PKHD1L1: variants seen among roughly 807,000 people sequenced by gnomAD.
PKHD1L1 encodes fibrocystin-L.
Under a neutral mutation model 462.9 loss-of-function variants are expected in PKHD1L1, and 434 were observed. That is an observed-to-expected ratio of 0.94 (90% CI 0.87 to 1.02). The LOEUF (loss-of-function observed/expected upper bound fraction) is 1.02, where lower values mean the gene tolerates loss of function less well. PKHD1L1 is among the 50% of genes least tolerant of loss of function. The pLI, the probability that PKHD1L1 is intolerant of heterozygous loss-of-function variation, is 0.00. For missense variants in PKHD1L1, 5,202 were observed against 5,096.1 expected (o/e 1.02, Z -0.63); for synonymous variants, 1,781 against 1,750.0 (o/e 1.02, Z -0.44).
intron 68 of PKHD1L1, among the ~76,000 whole-genome samples, chr8:109,506,206 C>G: frequency 6.6e-6 from 1 of 152,158 alleles, no homozygotes; most frequent in Middle Eastern, 3.2e-3. Flanking sequence ...TCTCCCAGAT[C>G]TTTAGGGGCA....
intron 33 of PKHD1L1, 54 bp downstream of exon 33, chr8:109,440,906 A>ATACT: frequency 6.5e-7 from 1 of 1,548,460 alleles, no homozygotes; most frequent in Non-Finnish European, 8.7e-7. Context: ...CTTAAAGGAT[A>ATACT]TACTACAGGT....
At position 109,443,017 on chromosome 8, in the gene PKHD1L1, T is replaced by C; in HGVS notation, c.4465T>C (p.Ser1489Pro). Residue 1489 changes from serine to proline, a missense_variant, in exon 36 of 78, where the codon TCC (serine) becomes CCC (proline). By Grantham distance (74) the Ser-to-Pro change is moderately conservative. Around this residue, in one of 3 missense-constraint regions of PKHD1L1, gnomAD observed 4,497 missense variants for 4,336.8 expected, o/e 1.04. Transcript: ENST00000378402. ...YSSGYVDEAH[S>P]IFLQGVINVL... The stretch of plus-strand genomic sequence containing the variant: ...CAGCGGGTATGTTGATGAGGCTCAC[T>C]CCATTTTTCTCCAAGGAGTCATTAA... The C allele has an allele frequency of 6.2e-7, 1 of 1,613,694 alleles. No individual in the cohort carries two copies.
intron 29 of PKHD1L1, among the ~76,000 whole-genome samples, 182 bp from the exon 30 acceptor site, chr8:109,436,156 C>T (rs1478642405): frequency 6.6e-6 from 1 of 152,316 alleles, no homozygotes; most frequent in African/African-American, 2.4e-5. Flanking sequence ...CAAAAGCACC[C>T]AGGCTCAGGT....
chr8:109,413,589 T>C, intron 21 of PKHD1L1, 44 bp downstream of exon 21: 2 of 1,386,330 alleles, frequency 1.4e-6, no homozygotes, highest in African/African-American at 1.5e-5. Context: ...TACCATGGTA[T>C]ATAAACTACA....
At chr8:109,383,594 T>C (rs889741389) in intron 4 of PKHD1L1, among the ~76,000 whole-genome samples, 3 of 150,008 alleles carry the variant, frequency 2.0e-5, no homozygotes, top group African/African-American at 4.9e-5. Context: ...AAAACAATAA[T>C]GACATCTGTC....
intron 32 of PKHD1L1, 23 bp downstream of exon 32, chr8:109,439,115 G>C: frequency 4.4e-6 from 7 of 1,599,202 alleles, no homozygotes; most frequent in Non-Finnish European, 6.0e-6. Context: ...ACATAAACTT[G>C]ATGGAGTTGT....
At chr8:109,422,175 T>G (rs1224037952) in intron 23 of PKHD1L1, among the ~76,000 whole-genome samples, 1 of 152,130 alleles carries the variant, frequency 6.6e-6, no homozygotes, top group Non-Finnish European at 1.5e-5. Context: ...AACCAGGAAA[T>G]TGACATGATA....
At chr8:109,384,006 C>G (rs1353075411) in intron 4 of PKHD1L1, 64 bp from the exon 5 acceptor site, 2 of 1,058,856 alleles carry the variant, frequency 1.9e-6, no homozygotes, top group Non-Finnish European at 2.9e-6. Flanking sequence ...AAGAAATTAT[C>G]TATTTCACAA....
intron 4 of PKHD1L1, among the ~76,000 whole-genome samples, chr8:109,383,026 CAT>C (rs902415604): frequency 1.5e-5 from 2 of 136,640 alleles, no homozygotes; most frequent in African/African-American, 2.7e-5. Context: ...AGCATTATCC[CAT>C]ATATATATAA....
rs993027644 is a variant in PKHD1L1 at position 109,405,054 on chromosome 8, G to A, written c.1593G>A (p.Lys531=). The A allele has an allele frequency of 6.5e-7, 1 of 1,533,720 alleles. No individual in the cohort carries two copies. Among genetic ancestry groups the A allele is most frequent in the Non-Finnish European group, 8.8e-7 (1 of 1,131,740 alleles). The change falls in exon 16 of 78, where the codon AAG becomes AAA. Residue 531 remains lysine (K), a synonymous_variant. Transcript: ENST00000378402. Reference sequence around the variant, plus strand: ...CAATTAATGAGGTTCAGAAGATCAAGGTAACCAGCCCATGTGTGGAAGCTA... The same window carrying A: ...CAATTAATGAGGTTCAGAAGATCAAAGTAACCAGCCCATGTGTGGAAGCTA... ...TNAINEVQKI[K]VTSPCVEANS... is the part of the protein sequence containing the mutation.
chr8:109,470,024 C>T (rs1817641271), intron 50 of PKHD1L1: 1 of 373,324 alleles, frequency 2.7e-6, no homozygotes. Context: ...GTAAACTGAA[C>T]ATTAGTACTT....
chr8:109,496,620 A>T (rs1396702836), intron 63 of PKHD1L1, among the ~76,000 whole-genome samples: 1 of 152,182 alleles, frequency 6.6e-6, no homozygotes, highest in African/African-American at 2.4e-5. Flanking sequence ...AAACCAGGCG[A>T]GGTGGGGCAT....
In PKHD1L1 at chr8:109,481,743, C is replaced by T. The variant is rs576834246; in HGVS notation, c.9457+181C>T. ...TTATTGTAAAGGGTTATAGAAGTAG[C>T]AGAGATTTTAGAATTAAATAACCTC... On this transcript the variant is annotated intron_variant, in intron 56 of 77. Coordinates refer to ENST00000378402, the MANE Select transcript of PKHD1L1 (RefSeq NM_177531.6). Among the ~76,000 whole-genome samples, 7 of 151,742 alleles carry T rather than the reference C, an allele frequency of 4.6e-5. No homozygotes were observed. The East Asian group carries it at 1.4e-3, about 29-fold the overall frequency.
chr8:109,373,954 T>C (rs1353682267), intron 2 of PKHD1L1, among the ~76,000 whole-genome samples: 5 of 152,204 alleles, frequency 3.3e-5, no homozygotes, highest in African/African-American at 1.2e-4. Flanking sequence ...AGGTGTGGTG[T>C]GGTGCTGAAA....
rs1357600802 is a variant in PKHD1L1, at chr8:109,530,663, G to T, written c.*573G>T. On this transcript the variant is annotated 3_prime_UTR_variant, in exon 78 of 78. Transcript: ENST00000378402. Reference sequence around the variant, plus strand: ...ACAGTAATCCCAGGAATTCTAGACTGTCCTGTATTTCTGGATCTGCCCAAC... The same window carrying T: ...ACAGTAATCCCAGGAATTCTAGACTTTCCTGTATTTCTGGATCTGCCCAAC... Among the ~76,000 whole-genome samples, 1 of 152,076 alleles carries T rather than the reference G, an allele frequency of 6.6e-6. No individual in the cohort carries two copies. Among genetic ancestry groups the T allele is most frequent in the Non-Finnish European group, 1.5e-5 (1 of 68,016 alleles).
intron 2 of PKHD1L1, among the ~76,000 whole-genome samples, chr8:109,371,348 G>T (rs1461261431): frequency 6.6e-6 from 1 of 152,058 alleles, no homozygotes; most frequent in Non-Finnish European, 1.5e-5. Flanking sequence ...TTTTGATGGG[G>T]TTGTTTGTAT....
intron 70 of PKHD1L1, 127 bp downstream of exon 70, chr8:109,508,391 T>C (rs1272043236): frequency 2.0e-6 from 2 of 985,762 alleles, no homozygotes; most frequent in African/African-American, 1.6e-5. Context: ...GCCTTCCATT[T>C]GTAACAATGA....
chr8:109,441,319 A>G lies in PKHD1L1; in HGVS notation c.4144A>G (p.Lys1382Glu), dbSNP rs1240396384. Residue 1382 changes from lysine (K) to glutamate (E), a missense_variant, in exon 34 of 78, where the codon AAA (lysine) becomes GAA (glutamate). Lys to Glu is a moderately conservative substitution (Grantham distance 56, BLOSUM62 1). Around this residue, in one of 3 missense-constraint regions of PKHD1L1, gnomAD observed 4,497 missense variants for 4,336.8 expected, o/e 1.04. Coordinates refer to ENST00000378402, the MANE Select transcript of PKHD1L1 (RefSeq NM_177531.6). ...TACATCATCATCAGAAAATGTCATA[A>G]AATGTATTCTTCATTCAACTGGGAA... Reference protein sequence around the residue: ...NVTSSSENVIKCILHSTGNIF... With the variant: ...NVTSSSENVIECILHSTGNIF... 1.9e-6 allele frequency: 3 copies of G among 1,591,192 alleles called. No individual in the cohort carries two copies. The Admixed American group carries it at 5.2e-5, about 28-fold the overall frequency.
At chr8:109,494,821 C>T (rs1194034814) in intron 63 of PKHD1L1, among the ~76,000 whole-genome samples, 3 of 151,556 alleles carry the variant, frequency 2.0e-5, no homozygotes, top group African/African-American at 7.3e-5. Flanking sequence ...TATTTTCAAC[C>T]AATAATTTAT....
Sources: allele counts gnomAD v4.1 joint callset (sites outside exome capture counted in the v4.1 genomes callset), GRCh38; gene constraint gnomAD v4.1.1; regional missense constraint gnomAD v4.1.1; transcripts MANE v1.5; gene names NCBI Gene and HGNC (gene_info 2026-07-23, HGNC 2026-07-21).